The following ADAMTS12 variants were observed in gnomAD, a reference collection of about 807,000 sequenced individuals.
ADAMTS12 encodes ADAM metallopeptidase with thrombospondin type 1 motif 12, also known as A disintegrin and metalloproteinase with thrombospondin motifs 12.
Under a neutral mutation model 167.8 loss-of-function variants are expected in ADAMTS12, and 118 were observed. That is an observed-to-expected ratio of 0.70 (90% CI 0.61 to 0.82). ADAMTS12 has a LOEUF of 0.82. Ranked by LOEUF, ADAMTS12 falls within the 40% of genes least tolerant of loss-of-function variation. ADAMTS12 has a pLI of 0.00. For synonymous variants in ADAMTS12, 704 were observed against 716.9 expected (o/e 0.98, Z 0.29); for missense variants, 1,916 against 1,998.8 (o/e 0.96, Z 0.79).
chr5:33,645,308 T>C (rs1714972050), intron 9 of ADAMTS12, among the ~76,000 whole-genome samples: 1 of 152,080 alleles, frequency 6.6e-6, no homozygotes, highest in Admixed American at 6.6e-5. Context: ...CACCCCCCAC[T>C]TCCCCACTAG....
At chr5:33,629,262 GA>G (rs1739803900) in intron 13 of ADAMTS12, among the ~76,000 whole-genome samples, 1 of 152,212 alleles carries the variant, frequency 6.6e-6, no homozygotes, top group African/African-American at 2.4e-5. Context: ...TAAAATAAAT[GA>G]AAAAGCAACT....
intron 13 of ADAMTS12, 23 bp downstream of exon 13, chr5:33,630,757 G>C (rs530275162): frequency 4.4e-6 from 7 of 1,596,576 alleles, no homozygotes; most frequent in Non-Finnish European, 6.0e-6. Flanking sequence ...TAAAGTTGTA[G>C]ATTAAGGAAA....
At chr5:33,700,731 G>A (rs1202052711) in intron 3 of ADAMTS12, among the ~76,000 whole-genome samples, 1 of 152,160 alleles carries the variant, frequency 6.6e-6, no homozygotes, top group African/African-American at 2.4e-5. Context: ...TTGTATCATT[G>A]TCAATATCTT....
intron 7 of ADAMTS12, among the ~76,000 whole-genome samples, chr5:33,656,292 C>T (rs760948844): frequency 2.0e-5 from 3 of 152,076 alleles, no homozygotes; most frequent in Non-Finnish European, 4.4e-5. Context: ...TTTAAGTGTT[C>T]GGAGAAATTG....
chr5:33,756,804 C>T (rs10472892), intron 2 of ADAMTS12, among the ~76,000 whole-genome samples: 55,889 of 151,916 alleles, frequency 0.37, 11,560 homozygotes, highest in East Asian at 0.58. Flanking sequence ...AAGCAGGTAT[C>T]AGGGATACAG....
intron 2 of ADAMTS12, among the ~76,000 whole-genome samples, chr5:33,814,913 G>A (rs775998510): frequency 3.9e-5 from 6 of 151,994 alleles, no homozygotes; most frequent in South Asian, 4.2e-4. Flanking sequence ...ACAAATTCTC[G>A]AATCGTAGAG....
chr5:33,889,059 T>C (rs558208257), intron 1 of ADAMTS12, among the ~76,000 whole-genome samples: 1 of 152,316 alleles, frequency 6.6e-6, no homozygotes, highest in South Asian at 2.1e-4. Context: ...CCCTGTGCAA[T>C]TCCCTTTACC....
chr5:33,574,596 G>T (rs751235366), intron 19 of ADAMTS12, among the ~76,000 whole-genome samples: 35 of 128,756 alleles, frequency 2.7e-4, no homozygotes, highest in Non-Finnish European at 4.5e-4. Context: ...GGGGACTGTT[G>T]TGGGGTGGGG....
intron 3 of ADAMTS12, 45 bp downstream of exon 3, chr5:33,751,359 A>G: frequency 6.2e-7 from 1 of 1,613,766 alleles, no homozygotes; most frequent in African/African-American, 1.3e-5. Context: ...AACCAAAAGA[A>G]CAAAACAGAT....
rs1742688433 is a variant in ADAMTS12 at position 33,694,691 on chromosome 5, A to C, written c.635-10636T>G. ...CGGGCCAATATGGTGGCTGCCAGCTACATGCAGTGATGGAAGCTTGAAATG... is the reference window on the plus strand; with the variant it reads ...CGGGCCAATATGGTGGCTGCCAGCTCCATGCAGTGATGGAAGCTTGAAATG... On this transcript the variant is annotated intron_variant, in intron 3 of 23. Coordinates refer to ENST00000504830, the MANE Select transcript of ADAMTS12 (RefSeq NM_030955.4). Among the ~76,000 whole-genome samples, 4 of 152,218 alleles carry C rather than the reference A, an allele frequency of 2.6e-5. No homozygotes were observed. In the South Asian group the frequency reaches 8.3e-4, roughly 32 times the overall value.
intron 16 of ADAMTS12, among the ~76,000 whole-genome samples, chr5:33,596,317 A>G (rs771783783): frequency 3.9e-5 from 6 of 152,210 alleles, no homozygotes; most frequent in Non-Finnish European, 8.8e-5. Flanking sequence ...AGTCTGTTCC[A>G]TAGATTACAG....
At chr5:33,686,089 G>A (rs553481787) in intron 3 of ADAMTS12, among the ~76,000 whole-genome samples, 19 of 152,224 alleles carry the variant, frequency 1.2e-4, no homozygotes, top group African/African-American at 4.6e-4. Context: ...GCTGGGTGGG[G>A]ACAGGTCTGT....
At chr5:33,597,040 TA>T (rs750587824) in intron 16 of ADAMTS12, among the ~76,000 whole-genome samples, 2 of 152,210 alleles carry the variant, frequency 1.3e-5, no homozygotes, top group Non-Finnish European at 2.9e-5. Context: ...TGTTATCTAT[TA>T]TGATGTATAA....
intron 3 of ADAMTS12, among the ~76,000 whole-genome samples, chr5:33,725,929 C>T (rs1233174645): frequency 1.3e-5 from 2 of 152,206 alleles, no homozygotes; most frequent in Admixed American, 6.5e-5. Context: ...TTCTGATGCA[C>T]ACTCTCGTGC....
At chr5:33,824,333 A>G (rs139661002) in intron 2 of ADAMTS12, among the ~76,000 whole-genome samples, 1 of 152,304 alleles carries the variant, frequency 6.6e-6, no homozygotes, top group African/African-American at 2.4e-5. Context: ...ACGGGTTTGC[A>G]GCAGCCCCAG....
chr5:33,780,026 G>A (rs928095504), intron 2 of ADAMTS12, among the ~76,000 whole-genome samples: 1 of 152,194 alleles, frequency 6.6e-6, no homozygotes, highest in Non-Finnish European at 1.5e-5. Flanking sequence ...TGATGGATAT[G>A]TGAATTAGCT....
At chr5:33,887,460 G>A (rs1246107556) in intron 1 of ADAMTS12, among the ~76,000 whole-genome samples, 1 of 152,160 alleles carries the variant, frequency 6.6e-6, no homozygotes, top group Non-Finnish European at 1.5e-5. Flanking sequence ...TAAGGTGTGG[G>A]GTTGGGAGGG....
intron 3 of ADAMTS12, among the ~76,000 whole-genome samples, chr5:33,690,023 G>A (rs1051514725): frequency 1.3e-5 from 2 of 152,196 alleles, no homozygotes; most frequent in African/African-American, 2.4e-5. Flanking sequence ...GCGAACACAC[G>A]TTCCCACTGC....
intron 19 of ADAMTS12, among the ~76,000 whole-genome samples, chr5:33,570,692 C>T (rs752248081): frequency 3.3e-5 from 5 of 151,876 alleles, no homozygotes; most frequent in East Asian, 1.9e-4. Flanking sequence ...CATCAACTAA[C>T]AAGCAAAATA....
Sources: allele counts gnomAD v4.1 joint callset (sites outside exome capture counted in the v4.1 genomes callset), GRCh38; gene constraint gnomAD v4.1.1; transcripts MANE v1.5; gene names NCBI Gene and HGNC (gene_info 2026-07-23, HGNC 2026-07-21).